Variants in CEP164 observed in about 807,000 individuals in gnomAD.
CEP164 encodes centrosomal protein 164, also known as centrosomal protein of 164 kDa.
Under a neutral mutation model 182.7 loss-of-function variants are expected in CEP164, and 162 were observed. The observed-to-expected ratio is 0.89, with a 90% CI of 0.78 to 1.01. The LOEUF is 1.01. CEP164 is among the 50% of genes least tolerant of loss of function. The pLI is 0.00. For synonymous variants in CEP164, 661 were observed against 690.0 expected (o/e 0.96, Z 0.66); for missense variants, 1,735 against 1,790.4 (o/e 0.97, Z 0.56).
At chr11:117,353,943 C>T (rs761325247) in intron 5 of CEP164, among the ~76,000 whole-genome samples, 2 of 151,988 alleles carry the variant, frequency 1.3e-5, no homozygotes, top group African/African-American at 2.4e-5. Context: ...TGCTTCTCTT[C>T]GCGCCCTGTT....
chr11:117,327,848 G>A (rs1328769311), upstream of CEP164: 1 of 152,254 alleles, frequency 6.6e-6, no homozygotes, highest in East Asian at 1.9e-4. Context: ...TTTTCCGGAA[G>A]TGTTTGTTGC....
chr11:117,378,159 G>A (rs753158425), intron 11 of CEP164, among the ~76,000 whole-genome samples: 5 of 152,056 alleles, frequency 3.3e-5, no homozygotes, highest in South Asian at 2.1e-4. Flanking sequence ...ATGAGCCACC[G>A]TGCTCGGCAA....
intron 14 of CEP164, chr11:117,386,943 C>A (rs997865236): frequency 4.4e-6 from 2 of 456,446 alleles, no homozygotes; most frequent in South Asian, 2.9e-5. Flanking sequence ...TGGGCCATAA[C>A]CTCGTAAGTC....
Position 117,397,402 on chromosome 11 carries a change from G to A in CEP164, c.3501+89G>A, listed in dbSNP as rs1209792188. Reference sequence around the variant, plus strand: ...AGTCCTTTGGGCTCCCCCTCAGTTGGTCATTCTCGGGACTCCATGAGAGTG... The same window carrying A: ...AGTCCTTTGGGCTCCCCCTCAGTTGATCATTCTCGGGACTCCATGAGAGTG... On this transcript the variant is annotated intron_variant, in intron 27 of 32. Coordinates refer to ENST00000278935, the MANE Select transcript of CEP164 (RefSeq NM_014956.5). 1.2e-5 allele frequency: 15 copies of A among 1,283,942 alleles called. No individual in the cohort carries two copies. The African/African-American group carries it at 1.8e-4, about 15-fold the overall frequency. 79.5% of individuals were successfully genotyped at this position (1,283,942 alleles called of 1,614,324 possible). A position where few individuals can be genotyped will look rare whatever the true frequency, so the allele number is the denominator to read the frequency against.
chr11:117,395,369 T>G (rs933426614), intron 23 of CEP164, among the ~76,000 whole-genome samples, 178 bp downstream of exon 23: 9 of 151,890 alleles, frequency 5.9e-5, no homozygotes, highest in Non-Finnish European at 1.2e-4. Context: ...CTCAAGGGAG[T>G]GGGACTGTGG....
Position 117,391,213 on chromosome 11 carries a change from G to A in CEP164, c.2281G>A (p.Glu761Lys). The A allele has an allele frequency of 6.2e-7, 1 of 1,606,910 alleles. No homozygotes were observed. The highest frequency in any genetic ancestry group is 1.1e-5 in the South Asian group (1 of 90,148). ...LREQLEGERKEAVATLEKEHS... is the reference protein window; with the variant it reads ...LREQLEGERKKAVATLEKEHS... ...GGAGCAGCTGGAAGGGGAGAGGAAAGAAGTGAGCTAGTCAAGTGGGGACCT... is the reference window on the plus strand; with the variant it reads ...GGAGCAGCTGGAAGGGGAGAGGAAAAAAGTGAGCTAGTCAAGTGGGGACCT... The change falls in exon 17 of 33, where the codon GAA (glutamate) becomes AAA (lysine). Residue 761 changes from glutamate (E) to lysine (K), a missense_variant and splice_region_variant. By Grantham distance (56) the Glu-to-Lys change is moderately conservative (BLOSUM62 1). Transcript: ENST00000278935.
chr11:117,409,655 C>A lies in CEP164; in HGVS notation c.3786C>A (p.His1262Gln). Residue 1262 changes from histidine to glutamine, a missense_variant, in exon 30 of 33, where the codon CAC (histidine) becomes CAA (glutamine). Transcript: ENST00000278935. This position sits in a 1 kb window ranked among gnomAD's most constrained non-coding sequence, Gnocchi z 4.4. ...CGAGTCTCACCTCCCGCAAGATCCA[C>A]GGGCTTAGCCACTCCCTCCGGCAGA... The part of the protein sequence containing the change: ...STPSLTSRKI[H>Q]GLSHSLRQIS... 6.2e-7 allele frequency: 1 copy of A among 1,612,032 alleles called. No individual in the cohort carries two copies.
At chr11:117,330,670 G>C (rs1284743481) in intron 1 of CEP164, among the ~76,000 whole-genome samples, 3 of 152,096 alleles carry the variant, frequency 2.0e-5, no homozygotes, top group African/African-American at 7.2e-5. Context: ...CAAAGAAAAA[G>C]TGATTACTTA....
In CEP164 at chr11:117,394,531, C is replaced by T. The variant is rs973034764; in HGVS notation, c.2760+38C>T. The T allele has an allele frequency of 1.2e-6, 2 of 1,608,808 alleles. No homozygotes were observed. The highest frequency in any genetic ancestry group is 1.7e-5 in the Admixed American group (1 of 59,580). ...GGGCAGGGTGAGCCCACTGTGACCC[C>T]TCCATGCACAGTAGGAAGGTGCTGG... On this transcript the variant is annotated intron_variant, in intron 21 of 32. Transcript: ENST00000278935. This position sits in a 1 kb window ranked among gnomAD's most constrained non-coding sequence, Gnocchi z 4.0.
chr11:117,394,902 G>A lies in CEP164; in HGVS notation c.2761-18G>A, dbSNP rs2045239258. 1 of 1,613,268 alleles carries A rather than the reference G, an allele frequency of 6.2e-7. No individual in the cohort carries two copies. Among genetic ancestry groups the A allele is most frequent in the Non-Finnish European group, 8.5e-7 (1 of 1,179,372 alleles). On this transcript the variant is annotated intron_variant, in intron 21 of 32. Coordinates refer to ENST00000278935, the MANE Select transcript of CEP164 (RefSeq NM_014956.5). The surrounding 1 kb of genome is among the most constrained non-coding windows in gnomAD (Gnocchi z 4.0). Reference sequence around the variant, plus strand: ...CCTTACACTCTTTCTATGCTTATGTGTTTCCCTTTCTGGGCAGGAAAGGAA... The same window carrying A: ...CCTTACACTCTTTCTATGCTTATGTATTTCCCTTTCTGGGCAGGAAAGGAA...
rs183392900 is a variant in CEP164 at position 117,387,343 on chromosome 11, G to A, written c.1865G>A (p.Arg622Gln). Residue 622 changes from arginine (R) to glutamine (Q), a missense_variant, in exon 15 of 33, where the codon CGG becomes CAG. Coordinates refer to ENST00000278935, the MANE Select transcript of CEP164 (RefSeq NM_014956.5). ...AAGCAAGAGAAGATGCAGCAACTGC[G>A]GGAGAAGCTGTGCCAAGAGGAGGAA... Reference protein sequence around the residue: ...ESKQEKMQQLREKLCQEEEEE... With the variant: ...ESKQEKMQQLQEKLCQEEEEE... The A allele has an allele frequency of 6.2e-5, 100 of 1,614,172 alleles. No homozygotes were observed. The Middle Eastern group carries it at 8.2e-4, about 13-fold the overall frequency.
chr11:117,329,666 C>G (rs750811950), intron 1 of CEP164, among the ~76,000 whole-genome samples: 3 of 151,998 alleles, frequency 2.0e-5, no homozygotes, highest in Non-Finnish European at 2.9e-5. Flanking sequence ...CTCAGCTTCC[C>G]GAGTAGCTGG....
intron 27 of CEP164, 107 bp from the exon 28 acceptor site, chr11:117,407,818 C>T: frequency 1.5e-6 from 1 of 688,162 alleles, no homozygotes; most frequent in Non-Finnish European, 2.5e-6. Context: ...GATGAGAAAG[C>T]AGACTATAGT....
chr11:117,384,738 C>T (rs1212135037), intron 14 of CEP164: 4 of 152,302 alleles, frequency 2.6e-5, no homozygotes, highest in Admixed American at 1.3e-4. Context: ...CTTCAGGCCC[C>T]ATCGCTTCCG....
chr11:117,329,685 G>T (rs1055578187), intron 1 of CEP164, among the ~76,000 whole-genome samples: 3 of 152,066 alleles, frequency 2.0e-5, no homozygotes, highest in African/African-American at 7.2e-5. Context: ...GGGACTACAG[G>T]TGGGCACCAC....
Position 117,363,619 on chromosome 11 carries a change from C to T in CEP164, c.765+113C>T, listed in dbSNP as rs1044715213. 7.3e-6 allele frequency: 5 copies of T among 688,526 alleles called. No homozygotes were observed. The African/African-American group carries it at 8.9e-5, about 12-fold the overall frequency. The allele number at this position is 688,526 out of a possible 1,614,324, so 42.7% of individuals were successfully genotyped here. ...TATTTGGAAAAAGAACCATTTTGTCCCAGTCCTTCCAGATGAGATTTCTGG... is the reference window on the plus strand; with the variant it reads ...TATTTGGAAAAAGAACCATTTTGTCTCAGTCCTTCCAGATGAGATTTCTGG... On this transcript the variant is annotated intron_variant, in intron 8 of 32. Transcript: ENST00000278935.
intron 26 of CEP164, among the ~76,000 whole-genome samples, chr11:117,396,814 C>A (rs1237546095): frequency 1.3e-5 from 2 of 152,238 alleles, no homozygotes; most frequent in Non-Finnish European, 2.9e-5. Context: ...ACATGGCATT[C>A]TCCTCTAGTG....
At chr11:117,403,303 G>T (rs2046343844) in intron 27 of CEP164, among the ~76,000 whole-genome samples, 1 of 152,216 alleles carries the variant, frequency 6.6e-6, no homozygotes, top group South Asian at 2.1e-4. Flanking sequence ...GCAGTGGCTG[G>T]TAGCGGTTGT....
intron 4 of CEP164, among the ~76,000 whole-genome samples, chr11:117,345,595 C>T (rs2038772635): frequency 6.6e-6 from 1 of 152,150 alleles, no homozygotes; most frequent in African/African-American, 2.4e-5. Flanking sequence ...CTGTGTTGGC[C>T]ATAGCTCAAA....
Sources: gnomAD v4.1 joint callset for allele counts (sites outside exome capture counted in the v4.1 genomes callset) on GRCh38, gnomAD v4.1.1 for gene constraint, Gnocchi (gnomAD v3.1) non-coding constraint, MANE v1.5 for transcripts, NCBI Gene and HGNC (gene_info 2026-07-23, HGNC 2026-07-21) for gene names.